Variants in CEMIP observed in about 807,000 individuals in gnomAD.
CEMIP encodes cell migration-inducing and hyaluronan-binding protein.
Under a neutral mutation model 156.9 loss-of-function variants are expected in CEMIP, and 105 were observed. The observed-to-expected ratio is 0.67, with a 90% CI of 0.57 to 0.79. CEMIP has a LOEUF of 0.79. Ranked by LOEUF, CEMIP falls within the 30% of genes least tolerant of loss-of-function variation. The pLI, the probability that CEMIP is intolerant of heterozygous loss-of-function variation, is 0.00. For synonymous variants in CEMIP, 676 were observed against 668.4 expected (o/e 1.01, Z -0.17); for missense variants, 1,457 against 1,769.4 (o/e 0.82, Z 3.17).
intron 12 of CEMIP, among the ~76,000 whole-genome samples, chr15:80,900,007 C>T (rs1044026079): frequency 4.6e-5 from 7 of 152,096 alleles, no homozygotes; most frequent in Admixed American, 2.6e-4. Flanking sequence ...AAAGCCTGAC[C>T]GTGAGCCCTT....
intron 1 of CEMIP, among the ~76,000 whole-genome samples, chr15:80,792,483 G>A (rs1896105751): frequency 6.6e-6 from 1 of 152,138 alleles, no homozygotes; most frequent in Non-Finnish European, 1.5e-5. Context: ...TCACCTTTCT[G>A]TGCCTCAGTT....
At position 80,942,352 on chromosome 15, in the gene CEMIP, C is replaced by T; in HGVS notation, c.3699+15C>T. On this transcript the variant is annotated intron_variant, in intron 27 of 29. Transcript: ENST00000394685. Reference sequence around the variant, plus strand: ...CTTACATTGAAGTAAGTGCCTCTGGCCCCTGGAGGATTCGGGTTTGCTCAT... The same window carrying T: ...CTTACATTGAAGTAAGTGCCTCTGGTCCCTGGAGGATTCGGGTTTGCTCAT... The T allele has an allele frequency of 6.2e-7, 1 of 1,606,644 alleles. No homozygotes were observed. The highest frequency in any genetic ancestry group is 8.5e-7 in the Non-Finnish European group (1 of 1,173,144).
rs557667828 is a variant in CEMIP at position 80,821,412 on chromosome 15, G to A, written c.-176+41798G>A. ...TGGAAAGCGTTTAGGCAGGAGAAAG[G>A]ATGAGTACAGGTGCTTTCTAGGAAG... On this transcript the variant is annotated intron_variant, in intron 1 of 29. Coordinates refer to ENST00000394685, the MANE Select transcript of CEMIP (RefSeq NM_001293298.2). Among the ~76,000 whole-genome samples, 73 of 152,326 alleles carry A rather than the reference G, an allele frequency of 4.8e-4. 1 individual carries two copies. Among genetic ancestry groups the A allele is most frequent in the Non-Finnish European group, 4.1e-4 (28 of 68,030 alleles).
chr15:80,846,221 C>T (rs1269690656), intron 1 of CEMIP, among the ~76,000 whole-genome samples: 3 of 152,176 alleles, frequency 2.0e-5, no homozygotes. Flanking sequence ...GGACGTTTCC[C>T]CCATCCCCAT....
chr15:80,818,434 G>A (rs923944527), intron 1 of CEMIP, among the ~76,000 whole-genome samples: 8 of 152,236 alleles, frequency 5.3e-5, no homozygotes, highest in Non-Finnish European at 8.8e-5. Context: ...AAGGAGAAGA[G>A]AATCAGAGTA....
chr15:80,908,973 T>G lies in CEMIP; in HGVS notation c.1588-124T>G, dbSNP rs936970512. ...CCCATTTGCAGAGAATATCTTTGAT[T>G]TACTGAGTACTAAGTGGAGACTGAC... On this transcript the variant is annotated intron_variant, in intron 13 of 29. Transcript: ENST00000394685. 11 of 919,008 alleles carry G rather than the reference T, an allele frequency of 1.2e-5. No individual in the cohort carries two copies. The African/African-American group carries it at 1.8e-4, about 15-fold the overall frequency. The allele number at this position is 919,008 out of a possible 1,614,324, so 56.9% of individuals were successfully genotyped here. A position where few individuals can be genotyped will look rare whatever the true frequency, so the allele number is the denominator to read the frequency against.
At chr15:80,877,599 A>G (rs1898517368) in intron 3 of CEMIP, among the ~76,000 whole-genome samples, 1 of 152,002 alleles carries the variant, frequency 6.6e-6, no homozygotes, top group African/African-American at 2.4e-5. Context: ...TTCCCTCTGG[A>G]TTTTCCATGC....
intron 19 of CEMIP, among the ~76,000 whole-genome samples, chr15:80,928,605 T>C (rs1178544157): frequency 6.6e-6 from 1 of 152,160 alleles, no homozygotes; most frequent in Non-Finnish European, 1.5e-5. Context: ...AGGATGGGGC[T>C]GGAGAGGGAG....
chr15:80,936,204 A>G (rs1901114853), intron 23 of CEMIP, among the ~76,000 whole-genome samples: 1 of 152,236 alleles, frequency 6.6e-6, no homozygotes, highest in Non-Finnish European at 1.5e-5. Flanking sequence ...CCAGACACTG[A>G]GAGGGAGTAG....
At chr15:80,863,429 G>T (rs1257081826) in intron 1 of CEMIP, among the ~76,000 whole-genome samples, 1 of 152,140 alleles carries the variant, frequency 6.6e-6, no homozygotes, top group African/African-American at 2.4e-5. Flanking sequence ...TGTGTTCACG[G>T]AGTCCCTGCC....
intron 14 of CEMIP, among the ~76,000 whole-genome samples, chr15:80,911,876 G>C (rs1900071870): frequency 6.7e-6 from 1 of 149,064 alleles, no homozygotes. Flanking sequence ...TGTTGAGAGT[G>C]AGCATCCTGG....
chr15:80,908,945 T>G, intron 13 of CEMIP, 152 bp from the exon 14 acceptor site: 1 of 782,522 alleles, frequency 1.3e-6, no homozygotes, highest in Non-Finnish European at 2.2e-6. Context: ...CCAGGCATTC[T>G]AACCCATTTG....
intron 1 of CEMIP, among the ~76,000 whole-genome samples, chr15:80,870,996 C>G (rs1415717824): frequency 6.6e-6 from 1 of 152,164 alleles, no homozygotes; most frequent in Non-Finnish European, 1.5e-5. Context: ...GCATTGTTAG[C>G]TAACATGCAC....
chr15:80,897,564 A>G (rs1899285758), intron 12 of CEMIP, among the ~76,000 whole-genome samples: 1 of 152,192 alleles, frequency 6.6e-6, no homozygotes, highest in Admixed American at 6.5e-5. Flanking sequence ...AAGAGAGGGA[A>G]AGAAGCAGCA....
intron 1 of CEMIP, among the ~76,000 whole-genome samples, chr15:80,835,439 C>T (rs1897250129): frequency 1.3e-5 from 2 of 152,216 alleles, no homozygotes; most frequent in Non-Finnish European, 2.9e-5. Context: ...CAGTATCTGC[C>T]CACCTGGGAT....
At chr15:80,938,031 C>T (rs757795902) in intron 25 of CEMIP, 52 bp downstream of exon 25, 1 of 1,467,650 alleles carries the variant, frequency 6.8e-7, no homozygotes, top group Non-Finnish European at 9.4e-7. Context: ...TCATCTTGTC[C>T]CCTTGGCCTT....
intron 1 of CEMIP, among the ~76,000 whole-genome samples, chr15:80,860,861 C>A (rs577262766): frequency 2.8e-4 from 42 of 152,248 alleles, no homozygotes; most frequent in Middle Eastern, 6.8e-3. Flanking sequence ...TCCCTCACAC[C>A]CTTCTCTTTC....
At chr15:80,935,874 G>T (rs1901102454) in intron 23 of CEMIP, among the ~76,000 whole-genome samples, 1 of 152,160 alleles carries the variant, frequency 6.6e-6, no homozygotes, top group African/African-American at 2.4e-5. Context: ...TAGTAGCTGG[G>T]ATTACAAGCA....
Position 80,879,758 on chromosome 15 carries a change from G to A in CEMIP, c.284G>A (p.Arg95Gln), listed in dbSNP as rs540926515. Residue 95 changes from arginine to glutamine, a missense_variant, in exon 5 of 30, where the codon CGA becomes CAA. By Grantham distance (43) the Arg-to-Gln change is conservative. Transcript: ENST00000394685. ...GACCACGACGAGCCGATTGTTTTGC[G>A]AACCCGGCACATCCTGATTGACAAC... is the stretch of plus-strand genomic sequence containing the variant. ...IKDHDEPIVLRTRHILIDNGG... is the reference protein window; with the variant it reads ...IKDHDEPIVLQTRHILIDNGG... 8.7e-6 allele frequency: 14 copies of A among 1,614,176 alleles called. No homozygotes were observed. Among genetic ancestry groups the A allele is most frequent in the African/African-American group, 6.7e-5 (5 of 75,046 alleles).
Sources: gnomAD v4.1 joint callset for allele counts (sites outside exome capture counted in the v4.1 genomes callset) on GRCh38, gnomAD v4.1.1 for gene constraint, MANE v1.5 for transcripts, NCBI Gene and HGNC (gene_info 2026-07-23, HGNC 2026-07-21) for gene names.